Variants in RAPGEF4 observed in about 807,000 individuals in gnomAD.
RAPGEF4 encodes the protein Rap guanine nucleotide exchange factor 4, also known as RAP guanine-nucleotide-exchange factor (GEF) 4.
Under a neutral mutation model 147.9 loss-of-function variants are expected in RAPGEF4, and 66 were observed. The observed-to-expected ratio is 0.45, with a 90% confidence interval of 0.37 to 0.55. The LOEUF is 0.55. Among genes scored for constraint, RAPGEF4 ranks in the 20% least tolerant of loss-of-function variants. The probability of loss-of-function intolerance (pLI) is 0.00; values close to 1 mark genes in which losing one functional copy is unlikely to be tolerated. For synonymous variants in RAPGEF4, 419 were observed against 442.7 expected (o/e 0.95, Z 0.67); for missense variants, 1,071 against 1,257.3 (o/e 0.85, Z 2.24).
intron 6 of RAPGEF4, among the ~76,000 whole-genome samples, chr2:172,931,903 T>C (rs1686024354): frequency 1.3e-5 from 2 of 152,118 alleles, no homozygotes; most frequent in Non-Finnish European, 2.9e-5. Context: ...TTCAATAATA[T>C]AGTCTCTTAA....
At chr2:172,990,286 A>G (rs1692701159) in intron 14 of RAPGEF4, among the ~76,000 whole-genome samples, 2 of 152,252 alleles carry the variant, frequency 1.3e-5, no homozygotes, top group Admixed American at 6.5e-5. Context: ...GATTAGGACC[A>G]TTATCATTGA....
At chr2:172,874,681 T>G (rs2149823946) in intron 4 of RAPGEF4, among the ~76,000 whole-genome samples, 1 of 152,330 alleles carries the variant, frequency 6.6e-6, no homozygotes, top group East Asian at 1.9e-4. Context: ...AGGTCTTTGC[T>G]ATTGTGAATA....
chr2:173,011,861 A>G (rs1215142591), intron 17 of RAPGEF4, among the ~76,000 whole-genome samples: 1 of 151,934 alleles, frequency 6.6e-6, no homozygotes, highest in Non-Finnish European at 1.5e-5. Context: ...TCAAAAAAAA[A>G]AAAACCACAT....
At chr2:172,947,045 G>C (rs910096634) in intron 6 of RAPGEF4, among the ~76,000 whole-genome samples, 1 of 152,172 alleles carries the variant, frequency 6.6e-6, no homozygotes, top group Non-Finnish European at 1.5e-5. Context: ...GAAAATTTCT[G>C]AGACTTGACA....
Position 173,020,704 on chromosome 2 carries a change from T to G in RAPGEF4, c.2242T>G (p.Phe748Val). The change falls in exon 23 of 31, where the codon TTC becomes GTC. Residue 748 changes from phenylalanine to valine, a missense_variant. Coordinates refer to ENST00000397081, the MANE Select transcript of RAPGEF4 (RefSeq NM_007023.4). ...GRLFACPREQFDSLTPLPEQE... is the reference protein window; with the variant it reads ...GRLFACPREQVDSLTPLPEQE... The stretch of plus-strand genomic sequence containing the variant: ...CCTGTTTGCTTGCCCGCGAGAGCAA[T>G]TCGATTCACTGGTAGGTGTGGATGG... 6.2e-7 allele frequency: 1 copy of G among 1,613,174 alleles called. No homozygotes were observed. Among genetic ancestry groups the G allele is most frequent in the Non-Finnish European group, 8.5e-7 (1 of 1,179,346 alleles).
chr2:172,875,394 G>C (rs1695790510), intron 4 of RAPGEF4, among the ~76,000 whole-genome samples: 1 of 152,156 alleles, frequency 6.6e-6, no homozygotes, highest in Non-Finnish European at 1.5e-5. Context: ...TAACATTTAA[G>C]TCTTTAATCC....
chr2:172,754,913 G>A (rs1486764340), intron 1 of RAPGEF4, among the ~76,000 whole-genome samples: 1 of 152,060 alleles, frequency 6.6e-6, no homozygotes, highest in African/African-American at 2.4e-5. Flanking sequence ...CCTGGTGGCA[G>A]GCACCTGTAG....
In RAPGEF4 at chr2:172,783,266, C is replaced by T. The variant is rs553790470; in HGVS notation, c.66-11759C>T. Among the ~76,000 whole-genome samples the T allele has an allele frequency of 1.9e-3, 293 of 152,254 alleles. 1 individual carries two copies. The highest frequency in any genetic ancestry group is 4.9e-4 in the Non-Finnish European group (33 of 68,016). ...GTCGGGGAGGTGGAAGTATTTGGAC[C>T]TTTTTATTGCTTTGCTTAAGGGCAA... On this transcript the variant is annotated intron_variant, in intron 1 of 30. Transcript: ENST00000397081.
At chr2:172,876,482 C>G (rs947454452) in intron 4 of RAPGEF4, among the ~76,000 whole-genome samples, 1 of 152,080 alleles carries the variant, frequency 6.6e-6, no homozygotes, top group African/African-American at 2.4e-5. Context: ...TTCTCAAAGG[C>G]CTTTTCTGCA....
intron 8 of RAPGEF4, among the ~76,000 whole-genome samples, chr2:172,963,677 C>A (rs1689530050): frequency 6.6e-6 from 1 of 152,138 alleles, no homozygotes; most frequent in Non-Finnish European, 1.5e-5. Flanking sequence ...CAACTGGAAG[C>A]CAGAAGCATG....
At position 173,023,858 on chromosome 2, in the gene RAPGEF4, C is replaced by T. The variant is rs561854883; in HGVS notation, c.2254-2714C>T. Reference sequence around the variant, plus strand: ...GAATAACGTAGGAGGGGCAGCTCCGCAGAGCAGCAGAAGGGCTGTGTTCAC... The same window carrying T: ...GAATAACGTAGGAGGGGCAGCTCCGTAGAGCAGCAGAAGGGCTGTGTTCAC... On this transcript the variant is annotated intron_variant, in intron 23 of 30. Coordinates refer to ENST00000397081, the MANE Select transcript of RAPGEF4 (RefSeq NM_007023.4). Among the ~76,000 whole-genome samples the T allele has an allele frequency of 5.9e-5, 9 of 152,300 alleles. No homozygotes were observed. The South Asian group carries it at 1.9e-3, about 32-fold the overall frequency.
chr2:172,744,229 C>A, intron 1 of RAPGEF4: 2 of 289,870 alleles, frequency 6.9e-6, no homozygotes, highest in South Asian at 6.4e-5. Flanking sequence ...TGGATCTCCC[C>A]GTTTTCTGTT....
At chr2:172,874,250 T>C (rs1349014613) in intron 4 of RAPGEF4, among the ~76,000 whole-genome samples, 1 of 152,142 alleles carries the variant, frequency 6.6e-6, no homozygotes, top group African/African-American at 2.4e-5. Flanking sequence ...CGTGCACGTG[T>C]ATTTTTTTTA....
At chr2:172,979,346 G>A (rs763405292) in intron 10 of RAPGEF4, among the ~76,000 whole-genome samples, 2 of 152,182 alleles carry the variant, frequency 1.3e-5, no homozygotes, top group African/African-American at 4.8e-5. Context: ...CATGAATCAT[G>A]AGAACTCGTG....
intron 10 of RAPGEF4, among the ~76,000 whole-genome samples, chr2:172,970,840 G>A (rs1690402091): frequency 6.6e-6 from 1 of 152,132 alleles, no homozygotes; most frequent in South Asian, 2.1e-4. Context: ...TGTGAAATTA[G>A]CTTTTTATGT....
At chr2:172,892,215 G>C (rs745723723) in intron 4 of RAPGEF4, among the ~76,000 whole-genome samples, 5 of 152,304 alleles carry the variant, frequency 3.3e-5, no homozygotes, top group Non-Finnish European at 5.9e-5. Context: ...CTCTGTCCCT[G>C]AGGTCCAGCT....
intron 1 of RAPGEF4, among the ~76,000 whole-genome samples, chr2:172,746,486 C>T (rs968956791): frequency 3.9e-5 from 6 of 152,136 alleles, no homozygotes; most frequent in Non-Finnish European, 7.3e-5. Context: ...ATGTTAATTG[C>T]ACTGGAGTAA....
At chr2:173,008,536 T>G (rs1694719470) in intron 17 of RAPGEF4, among the ~76,000 whole-genome samples, 1 of 152,194 alleles carries the variant, frequency 6.6e-6, no homozygotes, top group Admixed American at 6.5e-5. Flanking sequence ...AGATCTTGTA[T>G]GCAAAGCAGG....
chr2:172,851,461 C>T (rs1692815265), intron 4 of RAPGEF4, among the ~76,000 whole-genome samples: 1 of 151,970 alleles, frequency 6.6e-6, no homozygotes. Context: ...CCTATTTGGT[C>T]AAGTATCGAG....
Sources: allele counts gnomAD v4.1 joint callset (sites outside exome capture counted in the v4.1 genomes callset), GRCh38; gene constraint gnomAD v4.1.1; transcripts MANE v1.5; gene names NCBI Gene and HGNC (gene_info 2026-07-23, HGNC 2026-07-21).